Variants in GNPTAB observed in about 807,000 individuals in gnomAD.
GNPTAB encodes the protein N-acetylglucosamine-1-phosphotransferase subunits alpha/beta.
Under a neutral mutation model 136.6 loss-of-function variants are expected in GNPTAB, and 92 were observed. The ratio of observed to expected loss-of-function variants is 0.67; its 90% CI spans 0.57 to 0.80. GNPTAB has a LOEUF of 0.80. Among genes scored for constraint, GNPTAB ranks in the 30% least tolerant of loss-of-function variants. The pLI, the probability that GNPTAB is intolerant of heterozygous loss-of-function variation, is 0.00. For missense variants in GNPTAB, 1,343 were observed against 1,501.8 expected (o/e 0.89, Z 1.75); for synonymous variants, 512 against 535.1 (o/e 0.96, Z 0.60).
At chr12:101,804,673 C>T (rs142983266) in intron 1 of GNPTAB, among the ~76,000 whole-genome samples, 1 of 152,310 alleles carries the variant, frequency 6.6e-6, no homozygotes, top group East Asian at 1.9e-4. Context: ...CACTCAGTAG[C>T]CACATGCAGT....
chr12:101,779,546 A>C (rs1024951202), intron 7 of GNPTAB: 1 of 155,660 alleles, frequency 6.4e-6, no homozygotes. Flanking sequence ...AATAAGTATA[A>C]ATTTTAAATA....
In GNPTAB at chr12:101,761,578, T is replaced by C; in HGVS notation, c.2901A>G (p.Gln967=). The C allele has an allele frequency of 1.2e-6, 2 of 1,614,120 alleles. No individual in the cohort carries two copies. Among genetic ancestry groups the C allele is most frequent in the Non-Finnish European group, 1.7e-6 (2 of 1,179,940 alleles). ...GCAAGACTTACATATCTTGCAGTTCTTGCATAACAATCCGGTCAATCATGT... is the reference window on the plus strand; with the variant it reads ...GCAAGACTTACATATCTTGCAGTTCCTGCATAACAATCCGGTCAATCATGT... The part of the protein sequence containing the change: ...MPHMIDRIVM[Q]ELQDMFPEEF... The change falls in exon 14 of 21, where the codon CAA becomes CAG. Residue 967 remains glutamine, a synonymous_variant. Coordinates refer to ENST00000299314, the MANE Select transcript of GNPTAB (RefSeq NM_024312.5).
In GNPTAB at chr12:101,771,297, G is replaced by A. The variant is rs562611235; in HGVS notation, c.772-140C>T. 5.7e-3 allele frequency: 4,251 copies of A among 750,102 alleles called. 37 individuals are homozygous for A. The highest frequency in any genetic ancestry group is 0.011 in the South Asian group (675 of 61,778). 46.5% of individuals were successfully genotyped at this position (750,102 alleles called of 1,614,324 possible). ...TCTCGCTCTGTCGCCAGGCTGGAGC[G>A]CAGTGGCACGATCTCTGCTCACCTC... On this transcript the variant is annotated intron_variant, in intron 7 of 20. Coordinates refer to ENST00000299314, the MANE Select transcript of GNPTAB (RefSeq NM_024312.5).
At chr12:101,802,569 A>T (rs779989838) in intron 1 of GNPTAB, among the ~76,000 whole-genome samples, 1 of 152,144 alleles carries the variant, frequency 6.6e-6, no homozygotes, top group African/African-American at 2.4e-5. Context: ...AAAGGCATAG[A>T]AGGAAAAAAA....
chr12:101,810,414 TATATATATACACACACATAC>T (rs1290184471), intron 1 of GNPTAB: 2 of 131,058 alleles, frequency 1.5e-5, no homozygotes, highest in African/African-American at 6.4e-5. Context: ...TATATATATA[TATATATATACACACACATAC>T]ACACACACAC....
chr12:101,788,882 C>T (rs1265272708), intron 3 of GNPTAB, among the ~76,000 whole-genome samples: 1 of 152,262 alleles, frequency 6.6e-6, no homozygotes, highest in African/African-American at 2.4e-5. Context: ...AGGGGAATTA[C>T]ATCAGCCAGG....
chr12:101,764,681 C>T lies in GNPTAB; in HGVS notation c.2236G>A (p.Ala746Thr). ...ATTATAGCTTGATTTTTTATTTTAG[C>T]ATGCTGTGAGTTCATCAGAAATGAT... ...LRSFLMNSQH[A>T]KIKNQAIITD... The change falls in exon 13 of 21, where the codon GCT becomes ACT. Residue 746 changes from alanine to threonine, a missense_variant. Coordinates refer to ENST00000299314, the MANE Select transcript of GNPTAB (RefSeq NM_024312.5). 6.2e-7 allele frequency: 1 copy of T among 1,612,662 alleles called. No individual in the cohort carries two copies. Among genetic ancestry groups the T allele is most frequent in the Non-Finnish European group, 8.5e-7 (1 of 1,179,548 alleles).
At chr12:101,801,464 T>C (rs1869618475) in intron 1 of GNPTAB, among the ~76,000 whole-genome samples, 1 of 130,030 alleles carries the variant, frequency 7.7e-6, no homozygotes, top group Non-Finnish European at 1.5e-5. Flanking sequence ...CGCTTGAGCC[T>C]AGGAGGTGGA....
chr12:101,818,638 A>C (rs1870636457), intron 1 of GNPTAB, among the ~76,000 whole-genome samples: 2 of 152,108 alleles, frequency 1.3e-5, no homozygotes, highest in East Asian at 3.9e-4. Context: ...CAGACTCCCA[A>C]AGTGTTGGGA....
chr12:101,816,148 G>A (rs982984550), intron 1 of GNPTAB, among the ~76,000 whole-genome samples: 1 of 152,066 alleles, frequency 6.6e-6, no homozygotes, highest in Non-Finnish European at 1.5e-5. Flanking sequence ...GACTTACGGA[G>A]TAAGACCTAA....
intron 1 of GNPTAB, among the ~76,000 whole-genome samples, chr12:101,798,318 A>G (rs1436092698): frequency 6.6e-6 from 1 of 151,986 alleles, no homozygotes; most frequent in African/African-American, 2.4e-5. Flanking sequence ...CTTCTACTCT[A>G]CATGCCCTCC....
chr12:101,754,848 G>A (rs1198748516), intron 18 of GNPTAB, among the ~76,000 whole-genome samples: 1 of 151,942 alleles, frequency 6.6e-6, no homozygotes, highest in Non-Finnish European at 1.5e-5. Flanking sequence ...AATCAGAGAG[G>A]GACAAAGTGT....
At position 101,830,570 on chromosome 12, in the gene GNPTAB, G is replaced by A; in HGVS notation, c.106C>T (p.Gln36Ter). 1 of 1,607,008 alleles carries A rather than the reference G, an allele frequency of 6.2e-7. No homozygotes were observed. The highest frequency in any genetic ancestry group is 8.5e-7 in the Non-Finnish European group (1 of 1,174,436). Reference sequence around the variant, plus strand: ...GCGCCGCTACTCACCTCTCCGAACTGGAAGGCGGAGACGATGGTGACAACG... The same window carrying A: ...GCGCCGCTACTCACCTCTCCGAACTAGAAGGCGGAGACGATGGTGACAACG... Reference protein sequence around the residue: ...GVVVTIVSAFQFGEVVLEWSR... With the variant: ...GVVVTIVSAF Residue 36 changes from glutamine (Q) to a stop codon, truncating the protein, a stop_gained, in exon 1 of 21, where the codon CAG becomes TAG. Coordinates refer to ENST00000299314, the MANE Select transcript of GNPTAB (RefSeq NM_024312.5). LOFTEE classifies it high-confidence loss of function.
At chr12:101,770,724 A>G in intron 8 of GNPTAB, 139 bp from the exon 9 acceptor site, 2 of 736,840 alleles carry the variant, frequency 2.7e-6, no homozygotes, top group Admixed American at 4.4e-5. Context: ...TTTAAACATT[A>G]CAAAAAATGC....
At chr12:101,790,868 A>C (rs1594238279) in intron 2 of GNPTAB, among the ~76,000 whole-genome samples, 1 of 148,726 alleles carries the variant, frequency 6.7e-6, no homozygotes, top group African/African-American at 2.5e-5. Context: ...CCCCAGCCTC[A>C]CCTCTGCTTT....
chr12:101,818,643 T>C lies in GNPTAB; in HGVS notation c.117+11916A>G, dbSNP rs138676709. Among the ~76,000 whole-genome samples the C allele has an allele frequency of 2.8e-3, 426 of 152,122 alleles. 1 individual carries two copies. The highest frequency in any genetic ancestry group is 9.9e-3 in the African/African-American group (412 of 41,490). On this transcript the variant is annotated intron_variant, in intron 1 of 20. Coordinates refer to ENST00000299314, the MANE Select transcript of GNPTAB (RefSeq NM_024312.5). ...CCACCCACCTCAGACTCCCAAAGTG[T>C]TGGGATTATAGGCCTGAGCCACCGT...
rs563381210 is a variant in GNPTAB at position 101,787,199 on chromosome 12, A to G, written c.366-982T>C. ...CACACACAGAAAATGCCACAGACCT[A>G]AATATAAGTATCATGAAATATTGAC... is the stretch of plus-strand genomic sequence containing the variant. On this transcript the variant is annotated intron_variant, in intron 4 of 20. Transcript: ENST00000299314. Among the ~76,000 whole-genome samples the G allele has an allele frequency of 7.5e-4, 115 of 152,352 alleles. 1 individual carries two copies. The highest frequency in any genetic ancestry group is 1.5e-3 in the Non-Finnish European group (99 of 68,032).
intron 2 of GNPTAB, 109 bp downstream of exon 2, chr12:101,796,568 C>A (rs1869302586): frequency 1.3e-6 from 1 of 772,540 alleles, no homozygotes; most frequent in Non-Finnish European, 2.3e-6. Flanking sequence ...GTAAATTAAA[C>A]CATATCTATA....
At chr12:101,762,575 T>C (rs113670095) in intron 13 of GNPTAB, among the ~76,000 whole-genome samples, 32 of 152,314 alleles carry the variant, frequency 2.1e-4, no homozygotes, top group African/African-American at 7.5e-4. Flanking sequence ...ATAACTAACC[T>C]GCAGCCATTA....
Sources: allele counts gnomAD v4.1 joint callset (sites outside exome capture counted in the v4.1 genomes callset), GRCh38; gene constraint gnomAD v4.1.1; transcripts MANE v1.5; gene names NCBI Gene and HGNC (gene_info 2026-07-23, HGNC 2026-07-21).